ARHGAP19: variants seen among roughly 807,000 people sequenced by gnomAD.
The protein encoded by ARHGAP19 is Rho GTPase activating protein 19.
A neutral mutation model predicts 60.9 loss-of-function variants in ARHGAP19; 48 were observed. The observed-to-expected ratio is 0.79, with a 90% CI of 0.62 to 1.00. The LOEUF (loss-of-function observed/expected upper bound fraction) is 1.00, where lower values mean the gene tolerates loss of function less well. Among genes scored for constraint, ARHGAP19 ranks in the 50% least tolerant of loss-of-function variants. The pLI, the probability that ARHGAP19 is intolerant of heterozygous loss-of-function variation, is 0.00. For synonymous variants in ARHGAP19, 209 were observed against 215.5 expected (o/e 0.97, Z 0.27); for missense variants, 562 against 597.2 (o/e 0.94, Z 0.61).
At chr10:97,270,664 T>C (rs1178917698) in intron 1 of ARHGAP19, 1 of 1,546,150 alleles carries the variant, frequency 6.5e-7, no homozygotes, top group Non-Finnish European at 8.7e-7. Context: ...GAAGAAAGCT[T>C]TCCCCTTGTT....
rs1463139139 is a variant in ARHGAP19 at position 97,265,732 on chromosome 10, T to C, written c.322+128A>G. 4.1e-6 allele frequency: 5 copies of C among 1,208,052 alleles called. No homozygotes were observed. The African/African-American group carries it at 4.5e-5, about 11-fold the overall frequency. The allele number at this position is 1,208,052 out of a possible 1,614,324, so 74.8% of individuals were successfully genotyped here. ...CTATTACTTAAGGTGTTACTACTTA[T>C]AAAAACTGAAAAAATGGCCAAAAAA... is the stretch of plus-strand genomic sequence containing the variant. On this transcript the variant is annotated intron_variant, in intron 2 of 11. Transcript: ENST00000358531.
At chr10:97,287,116 T>C (rs1357103149) in intron 1 of ARHGAP19, among the ~76,000 whole-genome samples, 1 of 151,996 alleles carries the variant, frequency 6.6e-6, no homozygotes, top group Non-Finnish European at 1.5e-5. Context: ...CCTGGCTATG[T>C]GTTTTTATTT....
chr10:97,244,582 C>T (rs1842536358), intron 7 of ARHGAP19, among the ~76,000 whole-genome samples: 1 of 152,154 alleles, frequency 6.6e-6, no homozygotes, highest in South Asian at 2.1e-4. Context: ...CACCTGGGAG[C>T]CCAAGGGCTC....
chr10:97,265,199 T>C (rs1224145620), intron 2 of ARHGAP19, among the ~76,000 whole-genome samples: 2 of 152,110 alleles, frequency 1.3e-5, no homozygotes, highest in African/African-American at 4.8e-5. Context: ...TGTTAGTATT[T>C]AATTTAACAA....
chr10:97,241,439 G>C (rs1308894440), intron 8 of ARHGAP19, among the ~76,000 whole-genome samples: 1 of 151,252 alleles, frequency 6.6e-6, no homozygotes, highest in Non-Finnish European at 1.5e-5. Context: ...GGATGGCCAG[G>C]TGCGGTGGCT....
At chr10:97,253,456 G>T (rs1007231511) in intron 6 of ARHGAP19, among the ~76,000 whole-genome samples, 4 of 152,070 alleles carry the variant, frequency 2.6e-5, no homozygotes, top group Admixed American at 6.6e-5. Context: ...TCTCATAGAG[G>T]TAGGGAGTAG....
intron 3 of ARHGAP19, 53 bp downstream of exon 3, chr10:97,264,773 G>T: frequency 1.4e-6 from 2 of 1,418,004 alleles, no homozygotes; most frequent in Non-Finnish European, 9.9e-7. Flanking sequence ...GCTCTCAACA[G>T]AAAACAGAAT....
chr10:97,235,614 T>A (rs1842360394), intron 8 of ARHGAP19, among the ~76,000 whole-genome samples: 1 of 152,196 alleles, frequency 6.6e-6, no homozygotes. Flanking sequence ...GATCCCCAGC[T>A]GCTAACCAAG....
At chr10:97,281,221 A>C (rs1363779313) in intron 1 of ARHGAP19, among the ~76,000 whole-genome samples, 5 of 21,556 alleles carry the variant, frequency 2.3e-4, no homozygotes, top group Non-Finnish European at 6.1e-4. Context: ...TGTCACTACA[A>C]AAAAAAAAAA....
At chr10:97,288,808 CCTT>C (rs1564731149) in intron 1 of ARHGAP19, among the ~76,000 whole-genome samples, 1 of 141,534 alleles carries the variant, frequency 7.1e-6, no homozygotes, top group African/African-American at 2.8e-5. Flanking sequence ...AAACTTCTCT[CCTT>C]TTTTTTTTTT....
At chr10:97,243,935 A>G (rs1166849865) in intron 8 of ARHGAP19, 33 bp downstream of exon 8, 1 of 1,549,052 alleles carries the variant, frequency 6.5e-7, no homozygotes, top group Non-Finnish European at 8.8e-7. Context: ...TACACTCCTA[A>G]AGCCCCATCA....
At chr10:97,291,903 A>C (rs945588116) in intron 1 of ARHGAP19, among the ~76,000 whole-genome samples, 1 of 152,180 alleles carries the variant, frequency 6.6e-6, no homozygotes, top group Non-Finnish European at 1.5e-5. Context: ...AGGAAAGAAC[A>C]TCCTGTGGAA....
intron 1 of ARHGAP19, among the ~76,000 whole-genome samples, chr10:97,290,251 A>ACCCGCCGCTGACTCCCAT (rs775620165): frequency 6.6e-6 from 1 of 150,582 alleles, no homozygotes; most frequent in Non-Finnish European, 1.5e-5. Flanking sequence ...GCTGTCGCAG[A>ACCCGCCGCTGACTCCCAT]CCCGCCGCTG....
At position 97,223,517 on chromosome 10, in the gene ARHGAP19, C is replaced by G. The variant is rs1018872480; in HGVS notation, c.*2605G>C. The G allele has an allele frequency of 6.6e-6, 1 of 152,196 alleles. No homozygotes were observed. The highest frequency in any genetic ancestry group is 1.5e-5 in the Non-Finnish European group (1 of 68,072). 9.4% of individuals were successfully genotyped at this position (152,196 alleles called of 1,614,324 possible). A position where few individuals can be genotyped will look rare whatever the true frequency, so the allele number is the denominator to read the frequency against. Reference sequence around the variant, plus strand: ...AATATGTGTATCCCTCTGGCACAAACACAAGGCCCCAAATTGACACCACAT... The same window carrying G: ...AATATGTGTATCCCTCTGGCACAAAGACAAGGCCCCAAATTGACACCACAT... On this transcript the variant is annotated 3_prime_UTR_variant, in exon 12 of 12. Transcript: ENST00000358531.
At position 97,229,315 on chromosome 10, in the gene ARHGAP19, T is replaced by A; in HGVS notation, c.1396-90A>T. On this transcript the variant is annotated intron_variant, in intron 10 of 11. Transcript: ENST00000358531. The stretch of plus-strand genomic sequence containing the variant: ...TAACAAATGAATTATTTGTTCAATT[T>A]CAATGTGAAGAGTTTTTCTGAGACT... 1.8e-6 allele frequency: 2 copies of A among 1,113,872 alleles called. 1 individual carries two copies. Among genetic ancestry groups the A allele is most frequent in the Non-Finnish European group, 2.7e-6 (2 of 737,070 alleles). The allele number at this position is 1,113,872 out of a possible 1,614,324, so 69.0% of individuals were successfully genotyped here.
intron 1 of ARHGAP19, among the ~76,000 whole-genome samples, chr10:97,279,210 C>G (rs1013281731): frequency 6.6e-6 from 1 of 152,148 alleles, no homozygotes; most frequent in Non-Finnish European, 1.5e-5. Context: ...ACTAAACAGG[C>G]CCTACATGTC....
chr10:97,260,149 T>C (rs1431898780), intron 4 of ARHGAP19, among the ~76,000 whole-genome samples: 1 of 151,444 alleles, frequency 6.6e-6, no homozygotes, highest in African/African-American at 2.4e-5. Flanking sequence ...TTTTTTTTAA[T>C]GTGTACAGGA....
intron 9 of ARHGAP19, among the ~76,000 whole-genome samples, chr10:97,230,580 T>C (rs189766174): frequency 2.4e-4 from 37 of 152,194 alleles, no homozygotes; most frequent in Non-Finnish European, 1.3e-4. Context: ...ATTTGAATTC[T>C]AAAAAAAGAA....
chr10:97,232,780 C>T (rs946765733), intron 9 of ARHGAP19, among the ~76,000 whole-genome samples: 1 of 152,014 alleles, frequency 6.6e-6, no homozygotes, highest in African/African-American at 2.4e-5. Context: ...ATTACAGACA[C>T]AGTGGCTCAC....
Sources: allele counts gnomAD v4.1 joint callset (sites outside exome capture counted in the v4.1 genomes callset), GRCh38; gene constraint gnomAD v4.1.1; transcripts MANE v1.5; gene names NCBI Gene and HGNC (gene_info 2026-07-23, HGNC 2026-07-21).